Variants in DENND1A observed in about 807,000 individuals in gnomAD.
DENND1A encodes DENN domain containing 1A, also known as DENN domain-containing protein 1A.
DENND1A carries 51 observed loss-of-function variants against 113.7 expected under a neutral mutation model. The ratio of observed to expected loss-of-function variants is 0.45; its 90% CI spans 0.36 to 0.57. The LOEUF is 0.57. Ranked by LOEUF, DENND1A falls within the 20% of genes least tolerant of loss-of-function variation. DENND1A has a pLI of 0.00. For missense variants in DENND1A, 1,258 were observed against 1,395.9 expected (o/e 0.90, Z 1.57); for synonymous variants, 565 against 570.8 (o/e 0.99, Z 0.14).
chr9:123,893,678 T>A (rs558055352), intron 1 of DENND1A, among the ~76,000 whole-genome samples: 1 of 152,288 alleles, frequency 6.6e-6, no homozygotes, highest in Non-Finnish European at 1.5e-5. Context: ...GGAGGGAGGA[T>A]CTACAGCACT....
intron 11 of DENND1A, among the ~76,000 whole-genome samples, chr9:123,595,584 C>A (rs2059648925): frequency 6.6e-6 from 1 of 152,148 alleles, no homozygotes; most frequent in African/African-American, 2.4e-5. Context: ...CCGACATGGT[C>A]CTGGGCCCAG....
intron 13 of DENND1A, chr9:123,493,011 C>G (rs2051520611): frequency 6.6e-6 from 1 of 152,222 alleles, no homozygotes; most frequent in South Asian, 2.1e-4. Flanking sequence ...CTGAGGAACC[C>G]CTGCTGAGGC....
At chr9:123,419,020 C>G (rs1337896713) in intron 19 of DENND1A, among the ~76,000 whole-genome samples, 2 of 152,272 alleles carry the variant, frequency 1.3e-5, no homozygotes, top group African/African-American at 4.8e-5. Context: ...AGCATCTGCA[C>G]TTCACTGCTG....
intron 21 of DENND1A, among the ~76,000 whole-genome samples, chr9:123,397,223 C>T (rs895458879): frequency 5.1e-4 from 78 of 152,138 alleles, no homozygotes; most frequent in Admixed American, 5.1e-3. Flanking sequence ...GGCATGATCT[C>T]TGTTCCCTGC....
chr9:123,560,157 G>A (rs1589137312), intron 12 of DENND1A, among the ~76,000 whole-genome samples: 1 of 152,296 alleles, frequency 6.6e-6, no homozygotes, highest in East Asian at 1.9e-4. Context: ...GAAGATTCAT[G>A]TGCAAGCTTT....
chr9:123,535,538 TTC>T (rs2055687541), intron 13 of DENND1A, among the ~76,000 whole-genome samples: 1 of 152,326 alleles, frequency 6.6e-6, no homozygotes, highest in African/African-American at 2.4e-5. Flanking sequence ...TCTCCTATGT[TTC>T]TCTCTGTGTT....
At chr9:123,779,968 C>T (rs1006168634) in intron 3 of DENND1A, among the ~76,000 whole-genome samples, 1 of 151,020 alleles carries the variant, frequency 6.6e-6, no homozygotes, top group African/African-American at 2.5e-5. Context: ...GATTTTCCTG[C>T]TCAGCCTCCT....
At chr9:123,845,240 A>C (rs1842419004) in intron 2 of DENND1A, among the ~76,000 whole-genome samples, 1 of 151,976 alleles carries the variant, frequency 6.6e-6, no homozygotes, top group East Asian at 1.9e-4. Flanking sequence ...AAAAAAAATC[A>C]ACAAGGAAAC....
intron 3 of DENND1A, among the ~76,000 whole-genome samples, chr9:123,789,067 T>C (rs1212088754): frequency 2.0e-5 from 3 of 151,622 alleles, no homozygotes; most frequent in Non-Finnish European, 4.4e-5. Flanking sequence ...GCCTTGTTTT[T>C]TTTTTTTTCT....
At chr9:123,423,379 G>C (rs185841523) in intron 19 of DENND1A, among the ~76,000 whole-genome samples, 2 of 152,144 alleles carry the variant, frequency 1.3e-5, no homozygotes, top group Non-Finnish European at 1.5e-5. Context: ...CCTGCAACTC[G>C]GCGCTCATCA....
chr9:123,455,504 G>A (rs2048048949), intron 15 of DENND1A, among the ~76,000 whole-genome samples: 1 of 152,212 alleles, frequency 6.6e-6, no homozygotes, highest in South Asian at 2.1e-4. Flanking sequence ...TCTCTGCTTA[G>A]TAAACTTGAC....
intron 1 of DENND1A, among the ~76,000 whole-genome samples, chr9:123,879,573 C>A (rs893703363): frequency 6.6e-6 from 1 of 151,978 alleles, no homozygotes; most frequent in Admixed American, 6.6e-5. Context: ...CACACACACA[C>A]AAATTGTCTA....
intron 19 of DENND1A, among the ~76,000 whole-genome samples, chr9:123,435,048 CCTGTGTCAT>C (rs1482414469): frequency 9.2e-5 from 14 of 152,220 alleles, no homozygotes; most frequent in Non-Finnish European, 1.5e-4. Context: ...GGATGGCCAG[CCTGTGTCAT>C]TCACTGGGGT....
chr9:123,746,609 A>G (rs1277342137), intron 5 of DENND1A, among the ~76,000 whole-genome samples: 1 of 152,184 alleles, frequency 6.6e-6, no homozygotes, highest in Non-Finnish European at 1.5e-5. Context: ...TTGGTGCTCA[A>G]AAAGCTTTTA....
chr9:123,756,438 C>T (rs2070554198), intron 5 of DENND1A, among the ~76,000 whole-genome samples: 1 of 152,160 alleles, frequency 6.6e-6, no homozygotes. Context: ...AATTCTAATG[C>T]TCTGGGCAGG....
intron 12 of DENND1A, among the ~76,000 whole-genome samples, chr9:123,568,698 G>C (rs888704737): frequency 4.6e-5 from 7 of 152,192 alleles, no homozygotes; most frequent in Non-Finnish European, 7.3e-5. Context: ...TCCCTGCTTA[G>C]GGATGTGGCC....
chr9:123,572,503 T>C (rs2058413647), intron 12 of DENND1A, among the ~76,000 whole-genome samples: 1 of 152,180 alleles, frequency 6.6e-6, no homozygotes, highest in Non-Finnish European at 1.5e-5. Context: ...TCAGCCTTTT[T>C]ATTTTAGCCG....
chr9:123,428,248 T>C (rs1342480748), intron 19 of DENND1A, among the ~76,000 whole-genome samples: 1 of 152,168 alleles, frequency 6.6e-6, no homozygotes, highest in African/African-American at 2.4e-5. Context: ...TGGTTCAACA[T>C]ACACAAATCA....
chr9:123,645,077 A>G (rs966899519), intron 9 of DENND1A, among the ~76,000 whole-genome samples: 1 of 152,234 alleles, frequency 6.6e-6, no homozygotes, highest in Non-Finnish European at 1.5e-5. Context: ...AAAACAATCA[A>G]TATACATTAA....
Sources: allele counts gnomAD v4.1 joint callset (sites outside exome capture counted in the v4.1 genomes callset), GRCh38; gene constraint gnomAD v4.1.1; transcripts MANE v1.5; gene names NCBI Gene and HGNC (gene_info 2026-07-23, HGNC 2026-07-21).